The following KIF1B variants were observed in gnomAD, a reference collection of about 807,000 sequenced individuals.
KIF1B encodes kinesin-like protein KIF1B.
A neutral mutation model predicts 241.9 loss-of-function variants in KIF1B; 76 were observed. The observed-to-expected ratio is 0.31, with a 90% confidence interval of 0.26 to 0.38. The LOEUF (loss-of-function observed/expected upper bound fraction) is 0.38, where lower values mean the gene tolerates loss of function less well. KIF1B is among the 10% of genes least tolerant of loss of function. The probability of loss-of-function intolerance (pLI) is 1.00; values close to 1 mark genes in which losing one functional copy is unlikely to be tolerated. For missense variants in KIF1B, 1,622 were observed against 2,271.4 expected, an observed-to-expected ratio of 0.71 and a Z score of 5.81; for synonymous variants, 750 against 796.7, an observed-to-expected ratio of 0.94 and a Z score of 0.99.
intron 10 of KIF1B, among the ~76,000 whole-genome samples, chr1:10,273,316 G>A (rs1337688048): frequency 1.3e-5 from 2 of 152,174 alleles, no homozygotes; most frequent in Non-Finnish European, 2.9e-5. Flanking sequence ...CACTTTGGGA[G>A]GCCAAGGCGG....
chr1:10,313,675 C>T (rs1249164873), intron 22 of KIF1B, among the ~76,000 whole-genome samples: 3 of 149,588 alleles, frequency 2.0e-5, no homozygotes, highest in Admixed American at 6.6e-5. Context: ...CTCAGGCTCC[C>T]GAGTAGCTGG....
intron 15 of KIF1B, among the ~76,000 whole-genome samples, chr1:10,284,315 C>G (rs1232825328): frequency 6.6e-6 from 1 of 152,072 alleles, no homozygotes. Flanking sequence ...TTTGGGAGGC[C>G]AAGGTGGGCG....
At chr1:10,240,119 G>A (rs1437387946) in intron 2 of KIF1B, among the ~76,000 whole-genome samples, 1 of 152,100 alleles carries the variant, frequency 6.6e-6, no homozygotes, top group African/African-American at 2.4e-5. Flanking sequence ...GGCCAGGCTG[G>A]TCTTGAACTC....
Position 10,326,364 on chromosome 1 carries a change from G to C in KIF1B, c.2924+5G>C, listed in dbSNP as rs750278986. The C allele has an allele frequency of 6.2e-7, 1 of 1,614,160 alleles. No homozygotes were observed. The highest frequency in any genetic ancestry group is 8.5e-7 in the Non-Finnish European group (1 of 1,180,042). On this transcript the variant is annotated splice_donor_5th_base_variant and intron_variant, in intron 27 of 48. Coordinates refer to ENST00000676179, the MANE Select transcript of KIF1B (RefSeq NM_001365951.3). The surrounding 1 kb of genome is among the most constrained non-coding windows in gnomAD (Gnocchi z 5.2). ...TTGGTTCATTTTAGTGGGAAGGTTGGTGAGGTTATTGTGAGAAAGGCGAAA... is the reference window on the plus strand; with the variant it reads ...TTGGTTCATTTTAGTGGGAAGGTTGCTGAGGTTATTGTGAGAAAGGCGAAA...
chr1:10,227,657 A>T (rs1049087722), intron 1 of KIF1B: 2 of 152,344 alleles, frequency 1.3e-5, no homozygotes, highest in African/African-American at 4.8e-5. Context: ...AAACCACAAA[A>T]ATTAACCTGG....
chr1:10,275,544 T>C lies in KIF1B; in HGVS notation c.958+41T>C, dbSNP rs765374218. ...GTGAAAAGTAGTTATCTTTTTAACT[T>C]TGATTATCTTTTGTGGTTAATTGTC... is the stretch of plus-strand genomic sequence containing the variant. On this transcript the variant is annotated intron_variant, in intron 11 of 48. Transcript: ENST00000676179. The C allele has an allele frequency of 2.8e-6, 3 of 1,088,062 alleles. No individual in the cohort carries two copies. The African/African-American group carries it at 4.6e-5, about 17-fold the overall frequency. 67.4% of individuals were successfully genotyped at this position (1,088,062 alleles called of 1,614,324 possible).
rs566957045 is a variant in KIF1B, at chr1:10,381,095, G to A, written c.*4508G>A. On this transcript the variant is annotated 3_prime_UTR_variant, in exon 49 of 49. Transcript: ENST00000676179. ...GTTGGTCTCTTGCCAAACCGTGGCTGTTGTGTGTTGTTCTTCATGTCTTCG... is the reference window on the plus strand; with the variant it reads ...GTTGGTCTCTTGCCAAACCGTGGCTATTGTGTGTTGTTCTTCATGTCTTCG... 9.0e-6 allele frequency: 2 copies of A among 222,528 alleles called. No homozygotes were observed. The highest frequency in any genetic ancestry group is 3.7e-4 in the South Asian group (2 of 5,422). The allele number at this position is 222,528 out of a possible 1,614,324, so 13.8% of individuals were successfully genotyped here.
chr1:10,270,092 G>A (rs938777478), intron 7 of KIF1B, among the ~76,000 whole-genome samples: 1 of 152,082 alleles, frequency 6.6e-6, no homozygotes, highest in Non-Finnish European at 1.5e-5. Flanking sequence ...TATTATTGAA[G>A]TATACAGTAA....
intron 2 of KIF1B, among the ~76,000 whole-genome samples, chr1:10,245,730 A>T (rs971353308): frequency 2.0e-5 from 3 of 152,198 alleles, no homozygotes; most frequent in Middle Eastern, 6.3e-3. Flanking sequence ...GAGTGAGCAG[A>T]GCAAGTTATT....
chr1:10,305,760 T>A (rs1650797890), intron 22 of KIF1B: 1 of 1,056,338 alleles, frequency 9.5e-7, no homozygotes, highest in Non-Finnish European at 1.1e-6. Flanking sequence ...GGTCTCAGTT[T>A]GCCTCACTGG....
Position 10,374,443 on chromosome 1 carries a change from G to C in KIF1B, c.5074G>C (p.Asp1692His). ...AAACGAATTTCTCAATCTTGTTCCA[G>C]ATATTGAAGAAATTAGACCAAGGTG... is the stretch of plus-strand genomic sequence containing the variant. ...GKNEFLNLVP[D>H]IEEIRPSSVV... is the part of the protein sequence containing the mutation. The change falls in exon 46 of 49, where the codon GAT (aspartate) becomes CAT (histidine). Residue 1692 changes from aspartate to histidine, a missense_variant. Asp to His is a moderately conservative substitution (Grantham distance 81). Around this residue, in one of 7 missense-constraint regions of KIF1B, gnomAD observed 357 missense variants for 409.0 expected, o/e 0.87. Transcript: ENST00000676179. This position sits in a 1 kb window ranked among gnomAD's most constrained non-coding sequence, Gnocchi z 4.3. 6.2e-7 allele frequency: 1 copy of C among 1,614,190 alleles called. No individual in the cohort carries two copies. The highest frequency in any genetic ancestry group is 1.3e-5 in the African/African-American group (1 of 75,026).
At chr1:10,357,876 G>A (rs1463358284) in intron 38 of KIF1B, among the ~76,000 whole-genome samples, 2 of 152,000 alleles carry the variant, frequency 1.3e-5, no homozygotes, top group South Asian at 2.1e-4. Flanking sequence ...AGACTTGGTG[G>A]TGGGCGCCTG....
Position 10,324,792 on chromosome 1 carries a change from A to G in KIF1B, c.2572A>G (p.Arg858Gly), listed in dbSNP as rs779626536. The G allele has an allele frequency of 1.2e-5, 19 of 1,614,010 alleles. No individual in the cohort carries two copies. In the Admixed American group the frequency reaches 3.0e-4, roughly 25 times the overall value. The stretch of plus-strand genomic sequence containing the variant: ...GGATTTGATGCGAGAGATGTATGAT[A>G]GGGCAGGGGAGATGGCCTCCAGTGC... Reference protein sequence around the residue: ...RLDLMREMYDRAGEMASSAQD... With the variant: ...RLDLMREMYDGAGEMASSAQD... Residue 858 changes from arginine (R) to glycine (G), a missense_variant, in exon 26 of 49, where the codon AGG (arginine) becomes GGG (glycine). This residue lies in a region of KIF1B where 803 missense variants were observed against 1,112.0 expected (regional missense o/e 0.72). Coordinates refer to ENST00000676179, the MANE Select transcript of KIF1B (RefSeq NM_001365951.3).
At chr1:10,321,940 C>A in intron 24 of KIF1B, 83 bp downstream of exon 24, 2 of 1,510,604 alleles carry the variant, frequency 1.3e-6, no homozygotes, top group Non-Finnish European at 1.8e-6. Context: ...TTGAATTAAC[C>A]TTTCCTTTGG....
chr1:10,225,811 A>G (rs1270551312), intron 1 of KIF1B, among the ~76,000 whole-genome samples: 1 of 152,140 alleles, frequency 6.6e-6, no homozygotes, highest in African/African-American at 2.4e-5. Context: ...GTTGCAGAAC[A>G]CTTTGAATGC....
chr1:10,243,245 C>T (rs1203965047), intron 2 of KIF1B, among the ~76,000 whole-genome samples: 4 of 151,956 alleles, frequency 2.6e-5, no homozygotes, highest in African/African-American at 7.3e-5. Context: ...GGTGAAGCCC[C>T]GTCTCTACTA....
At chr1:10,348,382 T>G (rs1464489178) in intron 36 of KIF1B, among the ~76,000 whole-genome samples, 6 of 152,186 alleles carry the variant, frequency 3.9e-5, no homozygotes, top group Non-Finnish European at 5.9e-5. Context: ...CCACATAATC[T>G]CCTGTGACAG....
chr1:10,296,249 G>A (rs542581874), intron 19 of KIF1B, among the ~76,000 whole-genome samples: 1 of 152,154 alleles, frequency 6.6e-6, no homozygotes, highest in East Asian at 1.9e-4. Context: ...TTTAGTTTCT[G>A]GTTATTACCT....
intron 2 of KIF1B, among the ~76,000 whole-genome samples, chr1:10,235,971 C>G (rs115045177): frequency 0.019 from 2,837 of 147,882 alleles, 40 homozygotes; most frequent in Non-Finnish European, 0.028. Flanking sequence ...AAGATTTAAA[C>G]TAAACATATA....
Sources: gnomAD v4.1 joint callset for allele counts (sites outside exome capture counted in the v4.1 genomes callset) on GRCh38, gnomAD v4.1.1 for gene constraint, gnomAD v4.1.1 regional missense constraint, Gnocchi (gnomAD v3.1) non-coding constraint, MANE v1.5 for transcripts, NCBI Gene and HGNC (gene_info 2026-07-23, HGNC 2026-07-21) for gene names.